The following DLGAP2 variants were observed in gnomAD, a reference collection of about 807,000 sequenced individuals.
DLGAP2 encodes disks large-associated protein 2.
A neutral mutation model predicts 100.3 loss-of-function variants in DLGAP2; 26 were observed. The ratio of observed to expected loss-of-function variants is 0.26; its 90% CI spans 0.19 to 0.36. DLGAP2 has a LOEUF of 0.36. Among genes scored for constraint, DLGAP2 ranks in the 10% least tolerant of loss-of-function variants. DLGAP2 has a pLI of 1.00. For missense variants in DLGAP2, 1,858 were observed against 1,453.2 expected, an observed-to-expected ratio of 1.28 and a Z score of -4.53; for synonymous variants, 886 against 630.1, an observed-to-expected ratio of 1.41 and a Z score of -6.08.
intron 2 of DLGAP2, among the ~76,000 whole-genome samples, chr8:1,065,466 C>A (rs1803216172): frequency 6.6e-6 from 1 of 152,230 alleles, no homozygotes; most frequent in Non-Finnish European, 1.5e-5. Context: ...CTGGAGTCGA[C>A]AGTTTCTGTC....
intron 2 of DLGAP2, among the ~76,000 whole-genome samples, chr8:1,007,264 G>A (rs1226143322): frequency 6.6e-6 from 1 of 152,204 alleles, no homozygotes; most frequent in Non-Finnish European, 1.5e-5. Context: ...TGCACGGGTT[G>A]TCTCTGTGAC....
rs1563224066 is a variant in DLGAP2, at chr8:1,164,128, A to ATG, written c.74-94722_74-94721insGT. ...TTTCTGTGAGCCCGCAGGGCCCGTC[A>ATG]TTTTGGTTTGTGGGGATTTTTCTGT... is the stretch of plus-strand genomic sequence containing the variant. On this transcript the variant is annotated intron_variant, in intron 2 of 14. Transcript: ENST00000637795. Among the ~76,000 whole-genome samples, 23 of 22,528 alleles carry ATG rather than the reference A, an allele frequency of 1.0e-3. 5 individuals carry two copies. Among genetic ancestry groups the ATG allele is most frequent in the African/African-American group, 4.1e-3 (22 of 5,308 alleles). The allele number at this position is 22,528 out of a possible 152,430, so 14.8% of individuals were successfully genotyped here.
intron 1 of DLGAP2, among the ~76,000 whole-genome samples, chr8:842,118 C>G (rs768523875): frequency 6.6e-6 from 1 of 152,216 alleles, no homozygotes; most frequent in Non-Finnish European, 1.5e-5. Flanking sequence ...TCTTTCCCTT[C>G]TGGTAATCAC....
chr8:912,544 G>A (rs924963659), intron 2 of DLGAP2, among the ~76,000 whole-genome samples: 1 of 152,208 alleles, frequency 6.6e-6, no homozygotes, highest in Non-Finnish European at 1.5e-5. Context: ...TGAAGTTCCT[G>A]GACATGGAGT....
intron 1 of DLGAP2, among the ~76,000 whole-genome samples, chr8:801,116 C>T (rs552000523): frequency 7.2e-5 from 11 of 152,302 alleles, no homozygotes; most frequent in East Asian, 5.8e-4. Flanking sequence ...ACTGCATGAT[C>T]GGTTGATTAG....
Position 828,952 on chromosome 8 carries a change from T to C in DLGAP2, c.19-78960T>C, listed in dbSNP as rs544767682. Among the ~76,000 whole-genome samples the C allele has an allele frequency of 1.5e-3, 225 of 152,328 alleles. 3 individuals carry two copies. The highest frequency in any genetic ancestry group is 5.0e-3 in the African/African-American group (209 of 41,566). On this transcript the variant is annotated intron_variant, in intron 1 of 14. Coordinates refer to ENST00000637795, the MANE Select transcript of DLGAP2 (RefSeq NM_001346810.2). The stretch of plus-strand genomic sequence containing the variant: ...AGCAACTCTGTATTAAAACATATTA[T>C]TTTTTATTTCTACTGGGTAATGAAT...
At chr8:740,504 C>T (rs1397985031) in intron 1 of DLGAP2, 1 of 152,146 alleles carries the variant, frequency 6.6e-6, no homozygotes, top group Non-Finnish European at 1.5e-5. Context: ...TCTATTGCTT[C>T]TCTTATTTGT....
rs142234272 is a variant in DLGAP2, at chr8:928,236, C to A, written c.73+20270C>A. Among the ~76,000 whole-genome samples, 452 of 152,278 alleles carry A rather than the reference C, an allele frequency of 3.0e-3. 1 individual carries two copies. The highest frequency in any genetic ancestry group is 4.4e-3 in the Non-Finnish European group (302 of 68,022). Reference sequence around the variant, plus strand: ...TTACGAGATTTTCCTGGACATGATTCCCTGAGGTCGAGTTTGCGTTCACTA... The same window carrying A: ...TTACGAGATTTTCCTGGACATGATTACCTGAGGTCGAGTTTGCGTTCACTA... On this transcript the variant is annotated intron_variant, in intron 2 of 14. Transcript: ENST00000637795.
Position 1,668,471 on chromosome 8 carries a change from C to T in DLGAP2, c.1953C>T (p.Ser651=). 6.3e-7 allele frequency: 1 copy of T among 1,594,578 alleles called. No homozygotes were observed. The highest frequency in any genetic ancestry group is 1.1e-5 in the South Asian group (1 of 87,730). The change falls in exon 9 of 15, where the codon TCC becomes TCT. Residue 651 remains serine (S), a synonymous_variant. Coordinates refer to ENST00000637795, the MANE Select transcript of DLGAP2 (RefSeq NM_001346810.2). The part of the protein sequence containing the change: ...AYQDSRAQRM[S]PWPQDSRGLY... ...AGGACAGCCGCGCACAGAGGATGTC[C>T]CCGTGGCCCCAGGACAGCCGCGGCC...
rs1351655472 is a variant in DLGAP2 at position 1,281,693 on chromosome 8, C to T, written c.106+22810C>T. Among the ~76,000 whole-genome samples, 10 of 152,264 alleles carry T rather than the reference C, an allele frequency of 6.6e-5. No individual in the cohort carries two copies. The South Asian group carries it at 1.0e-3, about 16-fold the overall frequency. ...TCATGAAATTCAGCTCCCCACACTC[C>T]CTAAGGAGGAGCTGACCAGGGAGAG... On this transcript the variant is annotated intron_variant, in intron 3 of 14. Transcript: ENST00000637795.
chr8:959,694 G>C (rs999729359), intron 2 of DLGAP2, among the ~76,000 whole-genome samples: 2 of 152,202 alleles, frequency 1.3e-5, no homozygotes, highest in African/African-American at 4.8e-5. Context: ...TCATGGGTGT[G>C]AGAGGTCTCT....
chr8:1,331,390 C>T lies in DLGAP2; in HGVS notation c.106+72507C>T, dbSNP rs73170461. ...GTGGGCAGGTCGCTGGCCTTTCCTA[C>T]GGACTCGAGCCTGAAATGTGTCCGT... On this transcript the variant is annotated intron_variant, in intron 3 of 14. Coordinates refer to ENST00000637795, the MANE Select transcript of DLGAP2 (RefSeq NM_001346810.2). 7.1e-3 allele frequency among the ~76,000 whole-genome samples: 1,087 copies of T among 152,116 alleles called. 5 individuals carry two copies. The highest frequency in any genetic ancestry group is 0.012 in the Non-Finnish European group (808 of 67,994).
chr8:780,272 C>T (rs1056631830), intron 1 of DLGAP2, among the ~76,000 whole-genome samples: 1 of 152,174 alleles, frequency 6.6e-6, no homozygotes, highest in Non-Finnish European at 1.5e-5. Context: ...GCTTTTTTCA[C>T]TCAGCATAAT....
At chr8:1,258,787 A>T in intron 2 of DLGAP2, 64 bp from the exon 3 acceptor site, 1 of 1,216,964 alleles carries the variant, frequency 8.2e-7, no homozygotes, top group Non-Finnish European at 1.0e-6. Flanking sequence ...CTGATGTTGA[A>T]TCTTTTTAAC....
At chr8:1,329,517 A>C (rs911161830) in intron 3 of DLGAP2, among the ~76,000 whole-genome samples, 1 of 152,134 alleles carries the variant, frequency 6.6e-6, no homozygotes, top group Admixed American at 6.5e-5. Flanking sequence ...GAGTGTGTGC[A>C]TGTGTGTGCA....
chr8:1,495,313 G>A (rs1424487965), intron 3 of DLGAP2, among the ~76,000 whole-genome samples: 1 of 152,172 alleles, frequency 6.6e-6, no homozygotes, highest in African/African-American at 2.4e-5. Flanking sequence ...GGCAGCTGTG[G>A]GGGAAGCATT....
rs56681232 is a variant in DLGAP2, at chr8:1,255,056, C to T, written c.74-3795C>T. 7.8e-4 allele frequency among the ~76,000 whole-genome samples: 84 copies of T among 107,698 alleles called. 2 individuals carry two copies. The highest frequency in any genetic ancestry group is 2.8e-3 in the Admixed American group (25 of 9,002). 70.7% of individuals were successfully genotyped at this position (107,698 alleles called of 152,430 possible). A position where few individuals can be genotyped will look rare whatever the true frequency, so the allele number is the denominator to read the frequency against. On this transcript the variant is annotated intron_variant, in intron 2 of 14. Transcript: ENST00000637795. ...CCTGCCCAGCCGCTGTGTGTGTGTCCTCTCATCCTGCCCGGCCGCTGTGTG... is the reference window on the plus strand; with the variant it reads ...CCTGCCCAGCCGCTGTGTGTGTGTCTTCTCATCCTGCCCGGCCGCTGTGTG...
chr8:1,099,962 C>T (rs908705926), intron 2 of DLGAP2, among the ~76,000 whole-genome samples: 2 of 152,134 alleles, frequency 1.3e-5, no homozygotes, highest in Non-Finnish European at 2.9e-5. Context: ...TTCAGTTACC[C>T]GAAGTCAACT....
intron 2 of DLGAP2, among the ~76,000 whole-genome samples, chr8:1,082,842 C>A (rs544385268): frequency 6.6e-6 from 1 of 152,098 alleles, no homozygotes; most frequent in Admixed American, 6.5e-5. Flanking sequence ...AGGCTATTTC[C>A]GAAACCATTT....
Sources: gnomAD v4.1 joint callset for allele counts (sites outside exome capture counted in the v4.1 genomes callset) on GRCh38, gnomAD v4.1.1 for gene constraint, MANE v1.5 for transcripts, NCBI Gene and HGNC (gene_info 2026-07-23, HGNC 2026-07-21) for gene names.